The following IFT56 variants were observed in gnomAD, a reference collection of about 807,000 sequenced individuals.
The protein encoded by IFT56 is intraflagellar transport 56.
At chr7:139,136,549 C>T in the IFT56 span, among the ~76,000 whole-genome samples, 5 of 152,130 alleles carry the variant, frequency 3.3e-5, no homozygotes. Context: ...TCCCAGGGCT[C>T]ACACGAGTCT....
chr7:139,169,734 G>C, the IFT56 span, among the ~76,000 whole-genome samples: 1 of 152,164 alleles, frequency 6.6e-6, no homozygotes, highest in African/African-American at 2.4e-5. Flanking sequence ...AAACCAGCCA[G>C]GCATGCTGGC....
the IFT56 span, among the ~76,000 whole-genome samples, chr7:139,134,294 TGGA>T: frequency 2.7e-5 from 4 of 150,508 alleles, no homozygotes; most frequent in Non-Finnish European, 5.9e-5. Flanking sequence ...TTTTTTGAGA[TGGA>T]GGCTCGCTTT....
chr7:139,159,631 T>C, the IFT56 span, among the ~76,000 whole-genome samples: 1 of 152,178 alleles, frequency 6.6e-6, no homozygotes, highest in Admixed American at 6.5e-5. Context: ...CAAATGCAGA[T>C]ACAGATGTGA....
At chr7:139,188,682 G>A in the IFT56 span, among the ~76,000 whole-genome samples, 1 of 152,138 alleles carries the variant, frequency 6.6e-6, no homozygotes, top group African/African-American at 2.4e-5. Context: ...CTACAGATTT[G>A]CTAGGGCAAT....
chr7:139,189,324 G>A, the IFT56 span: 1 of 1,597,514 alleles, frequency 6.3e-7, no homozygotes, highest in Non-Finnish European at 8.5e-7. Flanking sequence ...TCCTCAGAGA[G>A]ACCCTTCGAG....
At chr7:139,138,080 A>G in the IFT56 span, 9 of 520,436 alleles carry the variant, frequency 1.7e-5, no homozygotes, top group African/African-American at 7.6e-5. Context: ...GCATTCTTCA[A>G]TTATACTTGT....
the IFT56 span, chr7:139,179,596 A>G: frequency 6.2e-7 from 1 of 1,613,886 alleles, no homozygotes; most frequent in African/African-American, 1.3e-5. Flanking sequence ...ATCCAAAGTG[A>G]GAAGATGAAA....
the IFT56 span, chr7:139,133,860 G>A: frequency 6.2e-7 from 1 of 1,614,260 alleles, no homozygotes; most frequent in Admixed American, 1.7e-5. Context: ...ACGTCAAGAT[G>A]GTTAGTGGCT....
chr7:139,190,459 A>G, the IFT56 span: 3 of 152,120 alleles, frequency 2.0e-5, no homozygotes, highest in Non-Finnish European at 4.4e-5. Context: ...GTTAGCCACA[A>G]TGCTCTCCAT....
the IFT56 span, among the ~76,000 whole-genome samples, chr7:139,138,286 G>A: frequency 1.3e-5 from 2 of 152,158 alleles, no homozygotes; most frequent in Non-Finnish European, 2.9e-5. Flanking sequence ...CAGAGCAAAA[G>A]AGACCACATC....
the IFT56 span, chr7:139,168,572 A>G: frequency 6.7e-5 from 39 of 584,770 alleles, no homozygotes; most frequent in African/African-American, 6.5e-4. Context: ...TTAGAGACAA[A>G]AAAAAAAAAC....
At chr7:139,181,131 ATCTT>A in the IFT56 span, 3 of 1,612,694 alleles carry the variant, frequency 1.9e-6, no homozygotes, top group South Asian at 3.3e-5. Flanking sequence ...TGGGAACTTT[ATCTT>A]AAGATGGAAA....
chr7:139,180,479 G>A, the IFT56 span, among the ~76,000 whole-genome samples: 2 of 152,184 alleles, frequency 1.3e-5, no homozygotes, highest in Admixed American at 6.5e-5. Flanking sequence ...GGAGCTTGAG[G>A]CAGGCAAATC....
the IFT56 span, chr7:139,166,878 G>C: frequency 3.2e-6 from 5 of 1,585,668 alleles, no homozygotes; most frequent in African/African-American, 1.3e-5. Context: ...TAAGGATCTG[G>C]AACCTACTAC....
chr7:139,169,224 A>G, the IFT56 span: 2 of 1,347,742 alleles, frequency 1.5e-6, no homozygotes, highest in African/African-American at 1.5e-5. Context: ...TGTTAGAACC[A>G]TATAGTATAA....
the IFT56 span, among the ~76,000 whole-genome samples, chr7:139,188,100 T>C: frequency 6.6e-6 from 1 of 151,130 alleles, no homozygotes; most frequent in Non-Finnish European, 1.5e-5. Context: ...TTTTTTTCTT[T>C]CTTTCTTTTT....
chr7:139,181,337 T>G, the IFT56 span: 1 of 568,702 alleles, frequency 1.8e-6, no homozygotes, highest in Non-Finnish European at 3.1e-6. Context: ...GAGATGCCAT[T>G]CTTTTTATGA....
At chr7:139,137,754 C>CTAT in the IFT56 span, 96 of 834,122 alleles carry the variant, frequency 1.2e-4, no homozygotes, top group South Asian at 1.6e-3. Context: ...CTTAGATTGC[C>CTAT]TGTTGTCAGT....
the IFT56 span, chr7:139,165,131 G>A: frequency 1.9e-6 from 3 of 1,610,540 alleles, no homozygotes; most frequent in African/African-American, 4.0e-5. Context: ...TGTATCTCTA[G>A]GTTGTTTTCC....
Sources: allele counts gnomAD v4.1 joint callset (sites outside exome capture counted in the v4.1 genomes callset), GRCh38; gene constraint gnomAD v4.1.1; transcripts MANE v1.5; gene names NCBI Gene and HGNC (gene_info 2026-07-23, HGNC 2026-07-21).